MYOM1: variants seen among roughly 807,000 people sequenced by gnomAD.
MYOM1 encodes myomesin-1.
A neutral mutation model predicts 205.3 loss-of-function variants in MYOM1; 164 were observed. The observed-to-expected ratio is 0.80, with a 90% CI of 0.70 to 0.91. MYOM1 has a LOEUF of 0.91. Ranked by LOEUF, MYOM1 falls within the 40% of genes least tolerant of loss-of-function variation. MYOM1 has a pLI of 0.00. For missense variants in MYOM1, 2,011 were observed against 2,127.3 expected (o/e 0.95, Z 1.08); for synonymous variants, 772 against 789.4 (o/e 0.98, Z 0.37).
chr18:3,150,735 T>C (rs1031823184), intron 12 of MYOM1, among the ~76,000 whole-genome samples: 4 of 152,198 alleles, frequency 2.6e-5, no homozygotes, highest in African/African-American at 7.2e-5. Context: ...ATGAAACAAA[T>C]ACAAGGCATG....
At chr18:3,116,559 A>C in intron 20 of MYOM1, 44 bp from the exon 21 acceptor site, 1 of 1,476,654 alleles carries the variant, frequency 6.8e-7, no homozygotes. Context: ...TAACAGAGAA[A>C]ACTCGTCTCC....
chr18:3,205,136 G>C (rs1046468091), intron 2 of MYOM1, among the ~76,000 whole-genome samples: 1 of 152,096 alleles, frequency 6.6e-6, no homozygotes, highest in African/African-American at 2.4e-5. Context: ...GAAAAGATCA[G>C]AGAAACTCCC....
rs1239719690 is a variant in MYOM1, at chr18:3,095,268, C to A, written c.3728-962G>T. On this transcript the variant is annotated intron_variant, in intron 25 of 37. Coordinates refer to ENST00000356443, the MANE Select transcript of MYOM1 (RefSeq NM_003803.4). ...TCCCTCACCTGCTAACATGGATGTG[C>A]TATGAAGAGTAAATATAAGGCCGGG... Among the ~76,000 whole-genome samples the A allele has an allele frequency of 2.0e-5, 3 of 151,936 alleles. No homozygotes were observed. The South Asian group carries it at 6.2e-4, about 32-fold the overall frequency.
chr18:3,159,931 T>C (rs28827224), intron 10 of MYOM1, among the ~76,000 whole-genome samples: 66 of 101,662 alleles, frequency 6.5e-4, no homozygotes, highest in African/African-American at 2.1e-3. Flanking sequence ...CCTTCCTTCC[T>C]TCCTTCTCTC....
At chr18:3,202,940 G>A (rs2081085460) in intron 2 of MYOM1, among the ~76,000 whole-genome samples, 1 of 151,714 alleles carries the variant, frequency 6.6e-6, no homozygotes, top group Non-Finnish European at 1.5e-5. Flanking sequence ...TAGAATCATG[G>A]GAAATATATC....
chr18:3,109,179 C>T (rs962508315), intron 22 of MYOM1, among the ~76,000 whole-genome samples: 1 of 151,786 alleles, frequency 6.6e-6, no homozygotes, highest in Middle Eastern at 3.2e-3. Context: ...GATGGGGTTT[C>T]ACCATGTTGG....
intron 37 of MYOM1, among the ~76,000 whole-genome samples, chr18:3,070,067 C>A (rs572401969): frequency 4.2e-4 from 64 of 152,354 alleles, no homozygotes; most frequent in African/African-American, 1.5e-3. Context: ...TATGTCTTCA[C>A]TGCCCTTTGA....
chr18:3,239,464 A>T, the MYOM1 span, among the ~76,000 whole-genome samples: 1 of 152,182 alleles, frequency 6.6e-6, no homozygotes, highest in South Asian at 2.1e-4. Flanking sequence ...TCAAATAGAC[A>T]AGAGCATGGG....
chr18:3,175,085 C>T (rs1001317237), intron 6 of MYOM1, among the ~76,000 whole-genome samples: 16 of 152,026 alleles, frequency 1.1e-4, no homozygotes, highest in African/African-American at 3.9e-4. Context: ...ATCAATAGAA[C>T]CCCAGCAAGG....
the MYOM1 span, chr18:3,246,118 G>A: frequency 7.9e-5 from 12 of 152,444 alleles, no homozygotes; most frequent in African/African-American, 2.9e-4. Context: ...CAAGCTGAGG[G>A]GAAGACTGAA....
At chr18:3,079,919 C>T (rs537989269) in intron 33 of MYOM1, among the ~76,000 whole-genome samples, 3 of 152,160 alleles carry the variant, frequency 2.0e-5, no homozygotes, top group East Asian at 1.9e-4. Context: ...TTCTCTGTCC[C>T]GGGATGTGAG....
At chr18:3,090,129 G>A (rs897096633) in intron 27 of MYOM1, among the ~76,000 whole-genome samples, 2 of 151,892 alleles carry the variant, frequency 1.3e-5, no homozygotes, top group African/African-American at 4.8e-5. Context: ...AGTCTTGCCT[G>A]TGAGCTAGGA....
chr18:3,147,303 T>C (rs532620157), intron 13 of MYOM1, among the ~76,000 whole-genome samples: 4 of 151,682 alleles, frequency 2.6e-5, no homozygotes, highest in African/African-American at 9.6e-5. Flanking sequence ...CAAACGAATG[T>C]ATGAGATTAT....
At position 3,215,092 on chromosome 18, in the gene MYOM1, C is replaced by T. The variant is rs372736572; in HGVS notation, c.132G>A (p.Thr44=). 1 of 1,613,550 alleles carries T rather than the reference C, an allele frequency of 6.2e-7. No homozygotes were observed. The highest frequency in any genetic ancestry group is 1.3e-5 in the African/African-American group (1 of 74,924). ...KRSAVYTQGS[T]AYSSRSSAAH... Reference sequence around the variant, plus strand: ...CGGCGGAGGAGCGGCTGCTGTAGGCCGTGGAGCCCTGGGTGTAGACGGCGG... The same window carrying T: ...CGGCGGAGGAGCGGCTGCTGTAGGCTGTGGAGCCCTGGGTGTAGACGGCGG... The change falls in exon 2 of 38, where the codon ACG becomes ACA. Residue 44 remains threonine (T), a synonymous_variant. Transcript: ENST00000356443.
At position 3,135,650 on chromosome 18, in the gene MYOM1, C is replaced by T; in HGVS notation, c.2106G>A (p.Leu702=). Residue 702 remains leucine (L), a synonymous_variant, in exon 15 of 38, where the codon TTG becomes TTA. Transcript: ENST00000356443. The surrounding 1 kb of genome is among the most constrained non-coding windows in gnomAD (Gnocchi z 4.1). The part of the protein sequence containing the change: ...VKSPRFALFD[L]AEGKSYCFRV... ...GGAAACAGTAGGATTTCCCCTCGGCCAAGTCAAACAGAGCAAAGCGGGGAG... is the reference window on the plus strand; with the variant it reads ...GGAAACAGTAGGATTTCCCCTCGGCTAAGTCAAACAGAGCAAAGCGGGGAG... 1 of 1,613,934 alleles carries T rather than the reference C, an allele frequency of 6.2e-7. No individual in the cohort carries two copies. Among genetic ancestry groups the T allele is most frequent in the Non-Finnish European group, 8.5e-7 (1 of 1,179,888 alleles).
the MYOM1 span, among the ~76,000 whole-genome samples, chr18:3,244,959 A>G: frequency 1.4e-5 from 2 of 147,326 alleles, no homozygotes; most frequent in African/African-American, 5.1e-5. Flanking sequence ...TTAAAAAGGA[A>G]AAAAAAAAAA....
At chr18:3,164,137 G>T in intron 10 of MYOM1, 141 bp downstream of exon 10, 1 of 878,270 alleles carries the variant, frequency 1.1e-6, no homozygotes, top group Non-Finnish European at 1.7e-6. Context: ...GATTACAGGC[G>T]TGAGACATTG....
chr18:3,157,684 AATAATAAT>A (rs2080321937), intron 10 of MYOM1, among the ~76,000 whole-genome samples: 1 of 38,750 alleles, frequency 2.6e-5, no homozygotes, highest in Non-Finnish European at 5.9e-5. Context: ...CTCCAAAAAT[AATAATAAT>A]AATAATAATA....
chr18:3,143,502 T>C (rs921063742), intron 13 of MYOM1, among the ~76,000 whole-genome samples: 5 of 152,190 alleles, frequency 3.3e-5, no homozygotes, highest in Non-Finnish European at 5.9e-5. Context: ...TGAAAGATAA[T>C]TGACCACAGT....
Sources: gnomAD v4.1 joint callset for allele counts (sites outside exome capture counted in the v4.1 genomes callset) on GRCh38, gnomAD v4.1.1 for gene constraint, Gnocchi (gnomAD v3.1) non-coding constraint, MANE v1.5 for transcripts, NCBI Gene and HGNC (gene_info 2026-07-23, HGNC 2026-07-21) for gene names.